The following ADAMTS14 variants were observed in gnomAD, a reference collection of about 807,000 sequenced individuals.
ADAMTS14 encodes the protein A disintegrin and metalloproteinase with thrombospondin motifs 14.
ADAMTS14 carries 100 observed loss-of-function variants against 128.6 expected under a neutral mutation model. The observed-to-expected ratio is 0.78, with a 90% confidence interval of 0.66 to 0.92. The LOEUF (loss-of-function observed/expected upper bound fraction) is 0.92, where lower values mean the gene tolerates loss of function less well. ADAMTS14 is among the 40% of genes least tolerant of loss of function. The pLI, the probability that ADAMTS14 is intolerant of heterozygous loss-of-function variation, is 0.00. For missense variants in ADAMTS14, 1,562 were observed against 1,658.6 expected (o/e 0.94, Z 1.01); for synonymous variants, 665 against 653.8 (o/e 1.02, Z -0.26).
At chr10:70,683,110 CCG>C (rs1839862869) in intron 2 of ADAMTS14, among the ~76,000 whole-genome samples, 1 of 152,252 alleles carries the variant, frequency 6.6e-6, no homozygotes. Context: ...CCCTGCAGGC[CCG>C]CTGTGGCACG....
At chr10:70,734,409 A>T (rs1841753827) in intron 8 of ADAMTS14, among the ~76,000 whole-genome samples, 1 of 152,144 alleles carries the variant, frequency 6.6e-6, no homozygotes. Context: ...CTCTAAACCC[A>T]GTGGCTCCTA....
At chr10:70,689,829 C>T (rs893719972) in intron 2 of ADAMTS14, among the ~76,000 whole-genome samples, 10 of 145,136 alleles carry the variant, frequency 6.9e-5, no homozygotes, top group Non-Finnish European at 1.3e-4. Context: ...CTGAAGGGAA[C>T]ATTCCTCCCC....
rs1269224318 is a variant in ADAMTS14 at position 70,744,128 on chromosome 10, G to A, written c.2121G>A (p.Gly707=). The A allele has an allele frequency of 1.3e-6, 2 of 1,561,696 alleles. No homozygotes were observed. Among genetic ancestry groups the A allele is most frequent in the African/African-American group, 1.4e-5 (1 of 73,564 alleles). Residue 707 remains glycine (G), a synonymous_variant, in exon 14 of 22, where the codon GGG becomes GGA. Coordinates refer to ENST00000373207, the MANE Select transcript of ADAMTS14 (RefSeq NM_080722.4). Reference sequence around the variant, plus strand: ...CGGATGACAAGTGTGGAGTCTGCGGGGGTGACAACTCCCACTGCAGGACTG... The same window carrying A: ...CGGATGACAAGTGTGGAGTCTGCGGAGGTGACAACTCCCACTGCAGGACTG... The part of the protein sequence containing the change: ...MKADDKCGVC[G]GDNSHCRTVK...
At chr10:70,711,389 T>TA (rs111913019) in intron 4 of ADAMTS14, among the ~76,000 whole-genome samples, 126 of 152,272 alleles carry the variant, frequency 8.3e-4, no homozygotes, top group African/African-American at 3.0e-3. Flanking sequence ...CACTACACGT[T>TA]AGAGAGGGAG....
Position 70,761,022 on chromosome 10 carries a change from G to A in ADAMTS14, c.*169G>A. On this transcript the variant is annotated 3_prime_UTR_variant, in exon 22 of 22. Transcript: ENST00000373207. ...GCTCTTTACCCCACAAAGCGGGGTG[G>A]GAGGAAGACAAAGATCAGGGAAAGC... is the stretch of plus-strand genomic sequence containing the variant. 9.7e-7 allele frequency: 1 copy of A among 1,031,780 alleles called. No homozygotes were observed. The highest frequency in any genetic ancestry group is 1.3e-6 in the Non-Finnish European group (1 of 749,506). The allele number at this position is 1,031,780 out of a possible 1,614,324, so 63.9% of individuals were successfully genotyped here.
intron 2 of ADAMTS14, among the ~76,000 whole-genome samples, chr10:70,676,130 G>GTT (rs199934836): frequency 5.6e-5 from 8 of 143,952 alleles, no homozygotes; most frequent in Admixed American, 6.9e-5. Flanking sequence ...CCACGATGAG[G>GTT]TTTTTTTTTT....
intron 4 of ADAMTS14, among the ~76,000 whole-genome samples, chr10:70,722,969 T>C (rs548569932): frequency 8.7e-4 from 133 of 152,300 alleles, no homozygotes; most frequent in African/African-American, 3.2e-3. Flanking sequence ...GAATTCAGTA[T>C]GGAAATCAGG....
intron 10 of ADAMTS14, among the ~76,000 whole-genome samples, chr10:70,737,321 C>A (rs986782882): frequency 5.3e-5 from 8 of 152,202 alleles, no homozygotes; most frequent in Non-Finnish European, 1.2e-4. Context: ...GCCCGGGGGA[C>A]CCCGTGGCTG....
chr10:70,703,987 G>T (rs1398281371), intron 3 of ADAMTS14, among the ~76,000 whole-genome samples: 1 of 152,220 alleles, frequency 6.6e-6, no homozygotes, highest in Non-Finnish European at 1.5e-5. Context: ...CCAGTGTGGG[G>T]AGAAGCATTT....
intron 10 of ADAMTS14, among the ~76,000 whole-genome samples, chr10:70,737,311 G>C (rs1411643411): frequency 6.6e-6 from 1 of 152,126 alleles, no homozygotes; most frequent in East Asian, 1.9e-4. Context: ...GGCTTCATTT[G>C]CCCGGGGGAC....
chr10:70,753,839 T>C lies in ADAMTS14; in HGVS notation c.2769T>C (p.Cys923=). Residue 923 remains cysteine, a synonymous_variant, in exon 19 of 22, where the codon TGT becomes TGC. Coordinates refer to ENST00000373207, the MANE Select transcript of ADAMTS14 (RefSeq NM_080722.4). The part of the protein sequence containing the change: ...TEEWGACSRS[C]GKLGVQTRGI... Reference sequence around the variant, plus strand: ...AGTGGGGTGCCTGCAGCCGGAGCTGTGGGAAGCTGGGGGTGCAGACACGGG... The same window carrying C: ...AGTGGGGTGCCTGCAGCCGGAGCTGCGGGAAGCTGGGGGTGCAGACACGGG... 6.3e-7 allele frequency: 1 copy of C among 1,592,596 alleles called. No homozygotes were observed. Among genetic ancestry groups the C allele is most frequent in the Non-Finnish European group, 8.5e-7 (1 of 1,170,644 alleles).
intron 15 of ADAMTS14, among the ~76,000 whole-genome samples, chr10:70,746,641 C>G: frequency 6.6e-6 from 1 of 152,188 alleles, no homozygotes; most frequent in East Asian, 1.9e-4. Context: ...AATCCCATCT[C>G]TACAAAAATA....
chr10:70,736,853 C>T, intron 10 of ADAMTS14, 60 bp downstream of exon 10: 1 of 1,468,052 alleles, frequency 6.8e-7, no homozygotes, highest in Non-Finnish European at 9.5e-7. Context: ...CCATCACTGG[C>T]ATGGGGGTGG....
intron 19 of ADAMTS14, 24 bp downstream of exon 19, chr10:70,754,031 A>G (rs1589343102): frequency 8.7e-7 from 1 of 1,146,476 alleles, no homozygotes; most frequent in Non-Finnish European, 1.2e-6. Flanking sequence ...AGGAGGTGGG[A>G]GGGGCTTGGG....
At chr10:70,726,679 C>T (rs1478224724) in intron 4 of ADAMTS14, among the ~76,000 whole-genome samples, 1 of 152,144 alleles carries the variant, frequency 6.6e-6, no homozygotes, top group Non-Finnish European at 1.5e-5. Flanking sequence ...ACTTAAGGGT[C>T]ACCCTACTGC....
Position 70,678,390 on chromosome 10 carries a change from C to T in ADAMTS14, c.522+3395C>T, listed in dbSNP as rs367961296. Among the ~76,000 whole-genome samples, 36 of 151,684 alleles carry T rather than the reference C, an allele frequency of 2.4e-4. No individual in the cohort carries two copies. In the South Asian group the frequency reaches 7.5e-3, roughly 32 times the overall value. On this transcript the variant is annotated intron_variant, in intron 2 of 21. Coordinates refer to ENST00000373207, the MANE Select transcript of ADAMTS14 (RefSeq NM_080722.4). The stretch of plus-strand genomic sequence containing the variant: ...CTAGAACACAGTGGGGATGGGTGCT[C>T]AGTAAATGGGAGTGATTGTTTTCTT...
intron 2 of ADAMTS14, among the ~76,000 whole-genome samples, chr10:70,679,993 G>A (rs1424774106): frequency 6.6e-6 from 1 of 152,206 alleles, no homozygotes; most frequent in Non-Finnish European, 1.5e-5. Flanking sequence ...TTCTTTATGG[G>A]AGGCTGAAAA....
intron 15 of ADAMTS14, among the ~76,000 whole-genome samples, chr10:70,749,534 G>A (rs556794667): frequency 6.6e-6 from 1 of 152,260 alleles, no homozygotes; most frequent in East Asian, 1.9e-4. Context: ...ATGGGTAGAG[G>A]TTAGTTAGGC....
chr10:70,690,604 TG>T (rs1228842712), intron 2 of ADAMTS14, among the ~76,000 whole-genome samples: 2 of 144,990 alleles, frequency 1.4e-5, no homozygotes, highest in Non-Finnish European at 3.2e-5. Context: ...GTGGGAGGCA[TG>T]GTTTAAAACT....
Sources: allele counts gnomAD v4.1 joint callset (sites outside exome capture counted in the v4.1 genomes callset), GRCh38; gene constraint gnomAD v4.1.1; transcripts MANE v1.5; gene names NCBI Gene and HGNC (gene_info 2026-07-23, HGNC 2026-07-21).